RGS7: variants seen among roughly 807,000 people sequenced by gnomAD.
RGS7 encodes regulator of G-protein signaling 7.
In RGS7, 27 loss-of-function variants were observed where a neutral mutation model predicts 81.1. The observed-to-expected ratio is 0.33, with a 90% CI of 0.25 to 0.46. RGS7 has a LOEUF of 0.46. Among genes scored for constraint, RGS7 ranks in the 20% least tolerant of loss-of-function variants. The pLI is 1.00. For synonymous variants in RGS7, 208 were observed against 207.7 expected, an observed-to-expected ratio of 1.00 and a Z score of -0.01; for missense variants, 396 against 607.4, an observed-to-expected ratio of 0.65 and a Z score of 3.66.
At chr1:241,108,257 C>A (rs575942216) in intron 2 of RGS7, among the ~76,000 whole-genome samples, 1 of 139,846 alleles carries the variant, frequency 7.2e-6, no homozygotes, top group East Asian at 2.2e-4. Flanking sequence ...GAGCCGAGAA[C>A]ACACCACTGC....
At chr1:241,327,150 A>AG (rs1553320977) in intron 2 of RGS7, among the ~76,000 whole-genome samples, 58 of 100,486 alleles carry the variant, frequency 5.8e-4, no homozygotes, top group Admixed American at 9.1e-4. Flanking sequence ...AAGAAAGGAA[A>AG]GAAAGAAAGA....
At chr1:241,171,047 AT>A (rs2070698695) in intron 2 of RGS7, among the ~76,000 whole-genome samples, 1 of 152,140 alleles carries the variant, frequency 6.6e-6, no homozygotes, top group African/African-American at 2.4e-5. Context: ...GAAAAAAATT[AT>A]TGCTTTGCTG....
chr1:240,809,336 G>A (rs536317988), intron 14 of RGS7, among the ~76,000 whole-genome samples: 4 of 152,182 alleles, frequency 2.6e-5, no homozygotes, highest in South Asian at 2.1e-4. Flanking sequence ...ATGCTCAGAC[G>A]AGTGACACAC....
At chr1:241,089,028 T>C (rs1020271373) in intron 3 of RGS7, among the ~76,000 whole-genome samples, 13 of 35,744 alleles carry the variant, frequency 3.6e-4, no homozygotes, top group Non-Finnish European at 5.7e-4. Flanking sequence ...TCCATCTCTC[T>C]CTCTCTCTCT....
At chr1:240,829,444 G>A (rs944987639) in intron 9 of RGS7, among the ~76,000 whole-genome samples, 5 of 152,072 alleles carry the variant, frequency 3.3e-5, no homozygotes, top group African/African-American at 1.2e-4. Flanking sequence ...AAAGACCCCC[G>A]GGGATTTTAA....
intron 4 of RGS7, among the ~76,000 whole-genome samples, chr1:240,977,874 A>T (rs1048399365): frequency 6.6e-6 from 1 of 152,200 alleles, no homozygotes; most frequent in Non-Finnish European, 1.5e-5. Context: ...GAGGGCAAAC[A>T]CCACAGAAGA....
intron 2 of RGS7, among the ~76,000 whole-genome samples, chr1:241,200,884 C>T (rs2815873): frequency 0.79 from 120,909 of 152,156 alleles, 48,369 homozygotes; most frequent in Admixed American, 0.85. Context: ...ATCTGATCAC[C>T]TCCATGTCCA....
chr1:241,152,806 T>C (rs1400309762), intron 2 of RGS7, among the ~76,000 whole-genome samples: 1 of 152,198 alleles, frequency 6.6e-6, no homozygotes, highest in Non-Finnish European at 1.5e-5. Flanking sequence ...CTGAGCCCCC[T>C]GAGAAGCAAT....
At chr1:241,132,998 G>A (rs1041110009) in intron 2 of RGS7, among the ~76,000 whole-genome samples, 10 of 152,154 alleles carry the variant, frequency 6.6e-5, no homozygotes, top group East Asian at 5.8e-4. Context: ...TCCTGACCTC[G>A]TAATCCGCCT....
intron 2 of RGS7, among the ~76,000 whole-genome samples, chr1:241,270,603 A>G (rs2077825781): frequency 6.6e-6 from 1 of 152,216 alleles, no homozygotes. Context: ...GAGATCAAGT[A>G]TCTGTCTTCG....
chr1:241,237,720 C>T (rs1036026626), intron 2 of RGS7, among the ~76,000 whole-genome samples: 5 of 152,154 alleles, frequency 3.3e-5, no homozygotes, highest in Non-Finnish European at 7.4e-5. Flanking sequence ...GCAGTTCCGC[C>T]TGTACCTGGT....
At chr1:241,207,335 G>A (rs1216551966) in intron 2 of RGS7, among the ~76,000 whole-genome samples, 3 of 103,748 alleles carry the variant, frequency 2.9e-5, no homozygotes, top group Non-Finnish European at 6.9e-5. Context: ...TATGGAGTAT[G>A]CACTTTAAAA....
At chr1:241,137,405 G>A (rs987011762) in intron 2 of RGS7, among the ~76,000 whole-genome samples, 9 of 152,144 alleles carry the variant, frequency 5.9e-5, no homozygotes, top group African/African-American at 2.2e-4. Flanking sequence ...TATGTAGAAT[G>A]TTATTGATAT....
At chr1:241,123,870 A>G (rs1453057694) in intron 2 of RGS7, among the ~76,000 whole-genome samples, 1 of 152,226 alleles carries the variant, frequency 6.6e-6, no homozygotes. Flanking sequence ...GGGACTGGGT[A>G]TCCCCGCCAT....
chr1:241,091,006 A>C (rs978911617), intron 3 of RGS7, among the ~76,000 whole-genome samples: 1 of 152,216 alleles, frequency 6.6e-6, no homozygotes, highest in African/African-American at 2.4e-5. Context: ...AGGTGGTGAG[A>C]AACAGAATGG....
intron 4 of RGS7, among the ~76,000 whole-genome samples, chr1:240,960,638 G>A (rs36052851): frequency 6.8e-6 from 1 of 147,952 alleles, no homozygotes; most frequent in Admixed American, 6.9e-5. Flanking sequence ...CCTGAGATGA[G>A]ACTCATGGAA....
intron 3 of RGS7, among the ~76,000 whole-genome samples, chr1:241,000,744 T>C (rs1688013841): frequency 6.6e-6 from 1 of 151,846 alleles, no homozygotes; most frequent in Non-Finnish European, 1.5e-5. Context: ...GCCTCCTGGG[T>C]TTAAGTGATT....
At chr1:241,134,409 T>C (rs919079998) in intron 2 of RGS7, among the ~76,000 whole-genome samples, 19 of 152,208 alleles carry the variant, frequency 1.2e-4, no homozygotes, top group African/African-American at 4.6e-4. Flanking sequence ...GTAAATTGTG[T>C]TTGTGTGTGT....
Position 241,162,222 on chromosome 1 carries a change from G to GCCCCCCCCCA in RGS7, c.79-63461_79-63460insTGGGGGGGGG, listed in dbSNP as rs68166816. Among the ~76,000 whole-genome samples, 22 of 142,150 alleles carry GCCCCCCCCCA rather than the reference G, an allele frequency of 1.5e-4. 1 individual carries two copies. Among genetic ancestry groups the GCCCCCCCCCA allele is most frequent in the African/African-American group, 5.5e-4 (21 of 38,118 alleles). The allele number at this position is 142,150 out of a possible 152,430, so 93.3% of individuals were successfully genotyped here. A position where few individuals can be genotyped will look rare whatever the true frequency, so the allele number is the denominator to read the frequency against. On this transcript the variant is annotated intron_variant, in intron 2 of 18. Coordinates refer to ENST00000440928, the MANE Select transcript of RGS7 (RefSeq NM_001364886.1). ...ATAAAACACCTGAAACTGGTGATCAGCTTCCAAATAAGATCTCAGAAGTTG... is the reference window on the plus strand; with the variant it reads ...ATAAAACACCTGAAACTGGTGATCAGCCCCCCCCCACTTCCAAATAAGATCTCAGAAGTTG...
Sources: gnomAD v4.1 joint callset for allele counts (sites outside exome capture counted in the v4.1 genomes callset) on GRCh38, gnomAD v4.1.1 for gene constraint, MANE v1.5 for transcripts, NCBI Gene and HGNC (gene_info 2026-07-23, HGNC 2026-07-21) for gene names.